The following CLN5 variants were observed in gnomAD, a reference collection of about 807,000 sequenced individuals.
CLN5 encodes the protein CLN5 lysosomal BMP synthase, also known as bis(monoacylglycero)phosphate synthase CLN5.
A neutral mutation model predicts 36.7 loss-of-function variants in CLN5; 34 were observed. That is an observed-to-expected ratio of 0.93 (90% CI 0.71 to 1.23). The LOEUF (loss-of-function observed/expected upper bound fraction) is 1.23, where lower values mean the gene tolerates loss of function less well. CLN5 is among the 50% of genes most tolerant of loss of function. The pLI is 0.00. For missense variants in CLN5, 427 were observed against 439.4 expected, an observed-to-expected ratio of 0.97 and a Z score of 0.25; for synonymous variants, 151 against 155.1, an observed-to-expected ratio of 0.97 and a Z score of 0.20.
chr13:77,004,076 A>C lies in CLN5; in HGVS notation c.*3107A>C, dbSNP rs963417112. On this transcript the variant is annotated 3_prime_UTR_variant, in exon 4 of 4. Coordinates refer to ENST00000377453, the MANE Select transcript of CLN5 (RefSeq NM_006493.4). ...ATACCCACAAAGTGTCATCTAATAT[A>C]TTGTTGCATGTAGAGGAAAACACAG... 13 of 152,068 alleles carry C rather than the reference A, an allele frequency of 8.5e-5. No individual in the cohort carries two copies. The highest frequency in any genetic ancestry group is 2.7e-4 in the African/African-American group (11 of 41,342). 9.4% of individuals were successfully genotyped at this position (152,068 alleles called of 1,614,324 possible). A position where few individuals can be genotyped will look rare whatever the true frequency, so the allele number is the denominator to read the frequency against.
chr13:76,996,151 A>G (rs1462849304), intron 3 of CLN5, 24 bp downstream of exon 3: 2 of 1,548,270 alleles, frequency 1.3e-6, no homozygotes, highest in Non-Finnish European at 1.8e-6. Context: ...ATATAGCAAT[A>G]TTTGATCATT....
intron 3 of CLN5, 33 bp from the exon 4 acceptor site, chr13:77,000,425 A>T: frequency 6.3e-7 from 1 of 1,594,078 alleles, no homozygotes; most frequent in Non-Finnish European, 8.6e-7. Context: ...AGCTTTGTTC[A>T]CTAGGTGACT....
At position 77,000,959 on chromosome 13, in the gene CLN5, C is replaced by G. The variant is rs2034351808; in HGVS notation, c.1067C>G (p.Ser356Cys). ...TTACCTATCAGAAACAAAACACTCTCTGGTTTATAAAACACCTTAATTCTA... is the reference window on the plus strand; with the variant it reads ...TTACCTATCAGAAACAAAACACTCTGTGGTTTATAAAACACCTTAATTCTA... The part of the protein sequence containing the change: ...IPLPIRNKTL[S>C]GL The change falls in exon 4 of 4, where the codon TCT becomes TGT. Residue 356 changes from serine to cysteine, a missense_variant. By Grantham distance (112) the Ser-to-Cys change is moderately radical. Coordinates refer to ENST00000377453, the MANE Select transcript of CLN5 (RefSeq NM_006493.4). 1 of 1,604,630 alleles carries G rather than the reference C, an allele frequency of 6.2e-7. No homozygotes were observed. The highest frequency in any genetic ancestry group is 1.3e-5 in the African/African-American group (1 of 74,698).
At chr13:76,996,516 G>C (rs1443543804) in intron 3 of CLN5, 1 of 210,930 alleles carries the variant, frequency 4.7e-6, no homozygotes, top group Non-Finnish European at 9.6e-6. Context: ...TCATAGCTTA[G>C]CTCCCACTTA....
rs1254365614 is a variant in CLN5 at position 77,002,005 on chromosome 13, G to C, written c.*1036G>C. The C allele has an allele frequency of 6.6e-6, 1 of 152,186 alleles. No homozygotes were observed. Among genetic ancestry groups the C allele is most frequent in the Non-Finnish European group, 1.5e-5 (1 of 68,032 alleles). The allele number at this position is 152,186 out of a possible 1,614,324, so 9.4% of individuals were successfully genotyped here. On this transcript the variant is annotated 3_prime_UTR_variant, in exon 4 of 4. Coordinates refer to ENST00000377453, the MANE Select transcript of CLN5 (RefSeq NM_006493.4). ...CTGTGCTTTAATTAGAGCCAGACAA[G>C]CTTTCAAGGTCCTTTAAGTATTTGA...
chr13:76,999,360 T>C (rs1282341419), intron 3 of CLN5: 1 of 152,014 alleles, frequency 6.6e-6, no homozygotes, highest in Non-Finnish European at 1.5e-5. Context: ...CCATGCAGAG[T>C]AGTGTTTTCT....
In CLN5 at chr13:77,000,554, G is replaced by A. The variant is rs368428437; in HGVS notation, c.662G>A (p.Gly221Glu). 209 of 1,613,898 alleles carry A rather than the reference G, an allele frequency of 1.3e-4. No homozygotes were observed. Among genetic ancestry groups the A allele is most frequent in the Non-Finnish European group, 1.7e-4 (203 of 1,180,006 alleles). ...AATGTAAAAGCCAGCCCAGAAAAGG[G>A]GGCAGAGACATGGTTTGATTCCTAC... is the stretch of plus-strand genomic sequence containing the variant. ...TWNVKASPEK[G>E]AETWFDSYDC... The change falls in exon 4 of 4, where the codon GGG becomes GAG. Residue 221 changes from glycine (G) to glutamate (E), a missense_variant. By Grantham distance (98) the Gly-to-Glu change is moderately conservative. Transcript: ENST00000377453.
intron 3 of CLN5, chr13:76,997,561 G>C (rs2034290138): frequency 6.6e-6 from 1 of 152,166 alleles, no homozygotes; most frequent in South Asian, 2.1e-4. Flanking sequence ...CCCACTCTGT[G>C]GGTTGTCTAT....
rs549733083 is a variant in CLN5, at chr13:77,004,576, T to C, written c.*3607T>C. 6.6e-6 allele frequency: 1 copy of C among 152,316 alleles called. No individual in the cohort carries two copies. The highest frequency in any genetic ancestry group is 2.1e-4 in the South Asian group (1 of 4,824). The allele number at this position is 152,316 out of a possible 1,614,324, so 9.4% of individuals were successfully genotyped here. On this transcript the variant is annotated 3_prime_UTR_variant, in exon 4 of 4. Transcript: ENST00000377453. Reference sequence around the variant, plus strand: ...TGTCAGCAAGCAGCTGGAATTTTCCTGCCTGGTAAAATTAAAACCAGCCCC... The same window carrying C: ...TGTCAGCAAGCAGCTGGAATTTTCCCGCCTGGTAAAATTAAAACCAGCCCC...
At chr13:76,993,923 A>G (rs1342185862) in intron 1 of CLN5, 2 of 152,138 alleles carry the variant, frequency 1.3e-5, no homozygotes, top group East Asian at 3.9e-4. Context: ...CCAGTGCCAG[A>G]TTATAGGTGA....
At chr13:76,995,809 T>C in intron 2 of CLN5, 93 bp from the exon 3 acceptor site, 2 of 880,084 alleles carry the variant, frequency 2.3e-6, no homozygotes, top group Non-Finnish European at 3.9e-6. Flanking sequence ...CTACTTGATA[T>C]GCATTTGTGA....
At chr13:76,995,504 G>C (rs2034250080) in intron 2 of CLN5, 1 of 510,488 alleles carries the variant, frequency 2.0e-6, no homozygotes, top group Non-Finnish European at 3.5e-6. Context: ...AGAAGTGGCA[G>C]GGCAGGCAGG....
In CLN5 at chr13:77,000,772, C is replaced by T. The variant is rs1463859201; in HGVS notation, c.880C>T (p.Pro294Ser). 1 of 1,613,130 alleles carries T rather than the reference C, an allele frequency of 6.2e-7. No individual in the cohort carries two copies. Among genetic ancestry groups the T allele is most frequent in the Non-Finnish European group, 8.5e-7 (1 of 1,179,690 alleles). Reference protein sequence around the residue: ...LGLAIKRFYYPFKPHLPTKEF... With the variant: ...LGLAIKRFYYSFKPHLPTKEF... ...TTTAGCCATAAAAAGATTTTATTAC[C>T]CCTTCAAACCACATTTGCCAACTAA... Residue 294 changes from proline to serine, a missense_variant, in exon 4 of 4, where the codon CCC (proline) becomes TCC (serine). Pro to Ser is a moderately conservative substitution (Grantham distance 74, BLOSUM62 -1). Transcript: ENST00000377453.
chr13:76,992,425 A>G (rs1461564943), intron 1 of CLN5, 154 bp downstream of exon 1: 15 of 873,480 alleles, frequency 1.7e-5, no homozygotes, highest in Admixed American at 2.9e-5. Flanking sequence ...CGCACTTGAG[A>G]GCAAAGTTGA....
At position 77,005,042 on chromosome 13, in the gene CLN5, A is replaced by T. The variant is rs966378323; in HGVS notation, c.*4073A>T. 1 of 152,136 alleles carries T rather than the reference A, an allele frequency of 6.6e-6. No individual in the cohort carries two copies. The highest frequency in any genetic ancestry group is 2.4e-5 in the African/African-American group (1 of 41,460). The allele number at this position is 152,136 out of a possible 1,614,324, so 9.4% of individuals were successfully genotyped here. A position where few individuals can be genotyped will look rare whatever the true frequency, so the allele number is the denominator to read the frequency against. ...ATTATTTTCTGTATAAAAATTTAAAAATTTATATTTCATGGTAGGTTTTAA... is the reference window on the plus strand; with the variant it reads ...ATTATTTTCTGTATAAAAATTTAAATATTTATATTTCATGGTAGGTTTTAA... On this transcript the variant is annotated 3_prime_UTR_variant, in exon 4 of 4. Coordinates refer to ENST00000377453, the MANE Select transcript of CLN5 (RefSeq NM_006493.4).
rs759063887 is a variant in CLN5 at position 76,992,115 on chromosome 13, A to G, written c.17A>G (p.Asp6Gly). 17 of 1,611,568 alleles carry G rather than the reference A, an allele frequency of 1.1e-5. No individual in the cohort carries two copies. Among genetic ancestry groups the G allele is most frequent in the Non-Finnish European group, 1.4e-5 (17 of 1,179,332 alleles). ...TGCAGCCTGATGGCGCAGGAGGTAG[A>G]CACGGCACAGGGCGCCGAGATGCGG... is the stretch of plus-strand genomic sequence containing the variant. MAQEV[D>G]TAQGAEMRRG... Residue 6 changes from aspartate to glycine, a missense_variant, in exon 1 of 4, where the codon GAC (aspartate) becomes GGC (glycine). Asp to Gly is a moderately conservative substitution (Grantham distance 94). Transcript: ENST00000377453.
chr13:76,992,107 G>T lies in CLN5; in HGVS notation c.9G>T (p.Gln3His). 6.2e-7 allele frequency: 1 copy of T among 1,611,866 alleles called. No homozygotes were observed. The change falls in exon 1 of 4, where the codon CAG (glutamine) becomes CAT (histidine). Residue 3 changes from glutamine to histidine, a missense_variant. Gln to His is a conservative substitution (Grantham distance 24, BLOSUM62 0). Transcript: ENST00000377453. The stretch of plus-strand genomic sequence containing the variant: ...GTACTGGGTGCAGCCTGATGGCGCA[G>T]GAGGTAGACACGGCACAGGGCGCCG... MA[Q>H]EVDTAQGAEM... is the part of the protein sequence containing the mutation.
rs1398947679 is a variant in CLN5, at chr13:76,992,082, G to A, written c.-17G>A. The A allele has an allele frequency of 1.9e-6, 3 of 1,611,738 alleles. No individual in the cohort carries two copies. Among genetic ancestry groups the A allele is most frequent in the Non-Finnish European group, 2.5e-6 (3 of 1,179,478 alleles). Reference sequence around the variant, plus strand: ...TCGCAGGCCTCGAGAGGCTCCGGAAGTACTGGGTGCAGCCTGATGGCGCAG... The same window carrying A: ...TCGCAGGCCTCGAGAGGCTCCGGAAATACTGGGTGCAGCCTGATGGCGCAG... On this transcript the variant is annotated 5_prime_UTR_variant, in exon 1 of 4. Coordinates refer to ENST00000377453, the MANE Select transcript of CLN5 (RefSeq NM_006493.4).
intron 3 of CLN5, 171 bp from the exon 4 acceptor site, chr13:77,000,287 A>C: frequency 1.8e-6 from 1 of 559,216 alleles, no homozygotes; most frequent in Non-Finnish European, 3.1e-6. Flanking sequence ...CAGGAGGCCG[A>C]GGTGGGAGGA....
Sources: allele counts gnomAD v4.1 joint callset, GRCh38; gene constraint gnomAD v4.1.1; transcripts MANE v1.5; gene names NCBI Gene and HGNC (gene_info 2026-07-23, HGNC 2026-07-21).